Variants in GLS observed in about 807,000 individuals in gnomAD.
GLS encodes the protein glutaminase kidney isoform, mitochondrial.
A neutral mutation model predicts 86.7 loss-of-function variants in GLS; 36 were observed. The ratio of observed to expected loss-of-function variants is 0.42; its 90% CI spans 0.32 to 0.55. The LOEUF (loss-of-function observed/expected upper bound fraction) is 0.55, where lower values mean the gene tolerates loss of function less well. Ranked by LOEUF, GLS falls within the 20% of genes least tolerant of loss-of-function variation. The pLI, the probability that GLS is intolerant of heterozygous loss-of-function variation, is 0.17. For missense variants in GLS, 528 were observed against 833.4 expected, an observed-to-expected ratio of 0.63 and a Z score of 4.51; for synonymous variants, 317 against 305.9, an observed-to-expected ratio of 1.04 and a Z score of -0.38.
intron 7 of GLS, among the ~76,000 whole-genome samples, chr2:190,912,092 C>T (rs1247454931): frequency 1.3e-5 from 2 of 152,036 alleles, no homozygotes; most frequent in African/African-American, 4.8e-5. Flanking sequence ...GAGTCATAAA[C>T]TATACATTGA....
At chr2:190,942,525 A>C (rs1021488317) in intron 14 of GLS, among the ~76,000 whole-genome samples, 9 of 152,178 alleles carry the variant, frequency 5.9e-5, no homozygotes, top group African/African-American at 2.2e-4. Flanking sequence ...GAAATAGGTA[A>C]ATAAGAGATG....
intron 7 of GLS, among the ~76,000 whole-genome samples, chr2:190,915,881 C>T (rs1020781069): frequency 4.6e-5 from 7 of 152,028 alleles, no homozygotes; most frequent in Non-Finnish European, 1.0e-4. Flanking sequence ...TCAGCAAAAT[C>T]GAAAGGGAAT....
intron 4 of GLS, 146 bp from the exon 5 acceptor site, chr2:190,901,801 C>T (rs1195346242): frequency 1.7e-6 from 1 of 595,738 alleles, no homozygotes; most frequent in East Asian, 2.8e-5. Flanking sequence ...AGCATTGTTA[C>T]AGAAGATAGA....
intron 3 of GLS, among the ~76,000 whole-genome samples, chr2:190,899,951 CAAAT>C (rs562905836): frequency 1.5e-4 from 23 of 152,016 alleles, no homozygotes; most frequent in Non-Finnish European, 2.1e-4. Flanking sequence ...TTTGGTGACT[CAAAT>C]AATATAAAAT....
Position 190,881,112 on chromosome 2 carries a change from C to T in GLS, c.28C>T (p.Leu10=). 2 of 1,560,968 alleles carry T rather than the reference C, an allele frequency of 1.3e-6. No homozygotes were observed. Among genetic ancestry groups the T allele is most frequent in the Non-Finnish European group, 1.7e-6 (2 of 1,161,576 alleles). Reference sequence around the variant, plus strand: ...GATGCGGCTGCGAGGCTCGGGGATGCTGCGGGACCTGCTCCTGCGGTCGCC... The same window carrying T: ...GATGCGGCTGCGAGGCTCGGGGATGTTGCGGGACCTGCTCCTGCGGTCGCC... MMRLRGSGM[L]RDLLLRSPAG... is the part of the protein sequence containing the mutation. The change falls in exon 1 of 18, where the codon CTG becomes TTG. Residue 10 remains leucine, a synonymous_variant. Transcript: ENST00000320717.
chr2:190,931,645 A>C lies in GLS; in HGVS notation c.1650+8A>C, dbSNP rs575613519. The C allele has an allele frequency of 1.3e-3, 1,771 of 1,350,052 alleles. 31 individuals are homozygous for C. The South Asian group carries it at 0.021, about 16-fold the overall frequency. 83.6% of individuals were successfully genotyped at this position (1,350,052 alleles called of 1,614,324 possible). ...GAAGGTGGTGATCAAAGGGTAAGCA[A>C]AATTCTTATTTAGATAAGTATATAA... On this transcript the variant is annotated splice_region_variant and intron_variant, in intron 14 of 17. Coordinates refer to ENST00000320717, the MANE Select transcript of GLS (RefSeq NM_014905.5).
chr2:190,934,135 G>C, intron 14 of GLS: 1 of 983,092 alleles, frequency 1.0e-6, no homozygotes, highest in Non-Finnish European at 1.2e-6. Context: ...GTTGAAACCT[G>C]TTAATTTTAG....
chr2:190,883,849 C>T (rs1688288105), intron 1 of GLS, among the ~76,000 whole-genome samples: 1 of 152,144 alleles, frequency 6.6e-6, no homozygotes, highest in South Asian at 2.1e-4. Context: ...TTTCCTTGGT[C>T]CTGAGTTTAT....
rs184900487 is a variant in GLS at position 190,899,207 on chromosome 2, T to G, written c.606-1357T>G. 1.5e-4 allele frequency among the ~76,000 whole-genome samples: 23 copies of G among 152,266 alleles called. No individual in the cohort carries two copies. The East Asian group carries it at 4.2e-3, about 28-fold the overall frequency. ...AACATTAAAAATATTAAAATAATGG[T>G]AATACTTTTGAGATTAATATTGAAA... is the stretch of plus-strand genomic sequence containing the variant. On this transcript the variant is annotated intron_variant, in intron 3 of 17. Transcript: ENST00000320717.
Position 190,943,762 on chromosome 2 carries a change from T to TA in GLS, c.1651-9802dup, listed in dbSNP as rs1310269639. Among the ~76,000 whole-genome samples, 4 of 152,252 alleles carry TA rather than the reference T, an allele frequency of 2.6e-5. No individual in the cohort carries two copies. Among genetic ancestry groups the TA allele is most frequent in the African/African-American group, 9.6e-5 (4 of 41,472 alleles). On this transcript the variant is annotated intron_variant, in intron 14 of 17. Transcript: ENST00000320717. This position sits in a 1 kb window ranked among gnomAD's most constrained non-coding sequence, Gnocchi z 4.5. Reference sequence around the variant, plus strand: ...TTACAGCATTAGAGAAACATACTGTTATTACACCTCTTCTGTGAGTATGCT... The same window carrying TA: ...TTACAGCATTAGAGAAACATACTGTTAATTACACCTCTTCTGTGAGTATGCT...
rs1037196578 is a variant in GLS, at chr2:190,920,070, T to C, written c.1039-954T>C. Reference sequence around the variant, plus strand: ...TCCCATAATATTTTAAAGTACAATGTTTTGGGTTTTTTGAGGGTAAAGTAA... The same window carrying C: ...TCCCATAATATTTTAAAGTACAATGCTTTGGGTTTTTTGAGGGTAAAGTAA... On this transcript the variant is annotated intron_variant, in intron 7 of 17. Coordinates refer to ENST00000320717, the MANE Select transcript of GLS (RefSeq NM_014905.5). The surrounding 1 kb of genome is among the most constrained non-coding windows in gnomAD (Gnocchi z 4.2). 1 of 151,934 alleles carries C rather than the reference T, an allele frequency of 6.6e-6. No individual in the cohort carries two copies. Among genetic ancestry groups the C allele is most frequent in the African/African-American group, 2.4e-5 (1 of 41,434 alleles). 9.4% of individuals were successfully genotyped at this position (151,934 alleles called of 1,614,324 possible).
At chr2:190,904,018 A>G (rs947633901) in intron 5 of GLS, among the ~76,000 whole-genome samples, 3 of 152,046 alleles carry the variant, frequency 2.0e-5, no homozygotes, top group African/African-American at 4.8e-5. Context: ...TCTTTTCTCT[A>G]CTTCATGTAC....
Position 190,895,557 on chromosome 2 carries a change from C to G in GLS, c.484-47C>G, listed in dbSNP as rs1574566953. On this transcript the variant is annotated intron_variant, in intron 2 of 17. Transcript: ENST00000320717. This position sits in a 1 kb window ranked among gnomAD's most constrained non-coding sequence, Gnocchi z 4.2. The stretch of plus-strand genomic sequence containing the variant: ...ATCTTATAGTTGGTATAAGCATATA[C>G]ATTATTTGCACTATATATTTACAAA... 4 of 1,349,726 alleles carry G rather than the reference C, an allele frequency of 3.0e-6. No homozygotes were observed. Among genetic ancestry groups the G allele is most frequent in the Non-Finnish European group, 4.2e-6 (4 of 959,164 alleles). 83.6% of individuals were successfully genotyped at this position (1,349,726 alleles called of 1,614,324 possible). A position where few individuals can be genotyped will look rare whatever the true frequency, so the allele number is the denominator to read the frequency against.
chr2:190,880,872 CGCA>C lies in GLS; in HGVS notation c.-167_-165del, dbSNP rs57674096. 145,577 of 729,186 alleles carry C rather than the reference CGCA, an allele frequency of 0.2. 8,550 individuals carry two copies. The highest frequency in any genetic ancestry group is 0.22 in the South Asian group (13,987 of 64,914). 45.2% of individuals were successfully genotyped at this position (729,186 alleles called of 1,614,324 possible). A position where few individuals can be genotyped will look rare whatever the true frequency, so the allele number is the denominator to read the frequency against. On this transcript the variant is annotated 5_prime_UTR_variant, in exon 1 of 18. Transcript: ENST00000320717. ...AGAACCGGTCGCGGCAATCCTAGCG[CGCA>C]GCAGCAGCAGCAGCAGCAGCAGCAG...
chr2:190,931,506 A>T, intron 13 of GLS, 39 bp from the exon 14 acceptor site: 2 of 882,866 alleles, frequency 2.3e-6, no homozygotes, highest in Non-Finnish European at 3.6e-6. Context: ...ACCAATGAAT[A>T]GCCAATTTCT....
chr2:190,935,137 G>T lies in GLS; in HGVS notation c.1650+3500G>T. Reference sequence around the variant, plus strand: ...ATGCATATTGTTCTTGAAGTACTTTGTTTTTAGCATAAATGTTGTGCATTT... The same window carrying T: ...ATGCATATTGTTCTTGAAGTACTTTTTTTTTAGCATAAATGTTGTGCATTT... On this transcript the variant is annotated intron_variant, in intron 14 of 17. Coordinates refer to ENST00000320717, the MANE Select transcript of GLS (RefSeq NM_014905.5). This position sits in a 1 kb window ranked among gnomAD's most constrained non-coding sequence, Gnocchi z 4.2. The T allele has an allele frequency of 5.3e-6, 5 of 934,604 alleles. No homozygotes were observed. The highest frequency in any genetic ancestry group is 6.4e-6 in the Non-Finnish European group (5 of 783,970). The allele number at this position is 934,604 out of a possible 1,614,324, so 57.9% of individuals were successfully genotyped here. A position where few individuals can be genotyped will look rare whatever the true frequency, so the allele number is the denominator to read the frequency against.
Position 190,935,740 on chromosome 2 carries a change from C to A in GLS, c.1650+4103C>A, listed in dbSNP as rs1408569222. 6.6e-6 allele frequency among the ~76,000 whole-genome samples: 1 copy of A among 151,168 alleles called. No homozygotes were observed. Among genetic ancestry groups the A allele is most frequent in the Non-Finnish European group, 1.5e-5 (1 of 67,310 alleles). ...CATTGCTAAACCAAATGAAGAGTAT[C>A]ATCATATTGCTTTAGAATAAAACTG... On this transcript the variant is annotated intron_variant, in intron 14 of 17. Coordinates refer to ENST00000320717, the MANE Select transcript of GLS (RefSeq NM_014905.5). The surrounding 1 kb of genome is among the most constrained non-coding windows in gnomAD (Gnocchi z 4.2).
intron 14 of GLS, chr2:190,934,343 C>T: frequency 1.0e-6 from 1 of 964,750 alleles, no homozygotes; most frequent in Non-Finnish European, 1.2e-6. Flanking sequence ...AAGAAATTCC[C>T]TTCTAGAGGT....
intron 7 of GLS, 65 bp downstream of exon 7, chr2:190,910,386 G>T: frequency 2.6e-6 from 2 of 756,208 alleles, no homozygotes; most frequent in Non-Finnish European, 2.3e-6. Context: ...AAGGCATAAA[G>T]ATGAATCTGG....
Sources: allele counts gnomAD v4.1 joint callset (sites outside exome capture counted in the v4.1 genomes callset), GRCh38; gene constraint gnomAD v4.1.1; non-coding constraint Gnocchi (gnomAD v3.1); transcripts MANE v1.5; gene names NCBI Gene and HGNC (gene_info 2026-07-23, HGNC 2026-07-21).